Variants in SYN1 observed in about 807,000 individuals in gnomAD.
SYN1 encodes synapsin-1.
Under a neutral mutation model 44.6 loss-of-function variants are expected in SYN1, and 8 were observed. The observed-to-expected ratio is 0.18, with a 90% CI of 0.11 to 0.32. The LOEUF is 0.32. Ranked by LOEUF, SYN1 falls within the 10% of genes least tolerant of loss-of-function variation. SYN1 has a pLI of 1.00. For synonymous variants in SYN1, 275 were observed against 280.1 expected, an observed-to-expected ratio of 0.98 and a Z score of 0.18; for missense variants, 451 against 639.4, an observed-to-expected ratio of 0.71 and a Z score of 3.18.
intron 5 of SYN1, chrX:47,585,863 C>T (rs2057823289): frequency 8.7e-7 from 1 of 1,143,794 alleles, no homozygotes; most frequent in Non-Finnish European, 1.2e-6. Context: ...TGCTCCCTTT[C>T]CCTGTGTCCA....
Position 47,576,532 on chromosome X carries a change from C to T in SYN1, c.946G>A (p.Val316Ile), listed in dbSNP as rs770266055. The change falls in exon 7 of 13, where the codon GTC (valine) becomes ATC (isoleucine). Residue 316 changes from valine (V) to isoleucine (I), a missense_variant. Around this residue, in one of 3 missense-constraint regions of SYN1, gnomAD observed 315 missense variants for 451.4 expected, o/e 0.70. Coordinates refer to ENST00000295987, the MANE Select transcript of SYN1 (RefSeq NM_006950.3). ...PFIDAKYDVR[V>I]QKIGQNYKAY... Reference sequence around the variant, plus strand: ...TTGTAGTTCTGCCCAATCTTCTGGACACGCACGTCATATTTGGCATCGATG... The same window carrying T: ...TTGTAGTTCTGCCCAATCTTCTGGATACGCACGTCATATTTGGCATCGATG... 8 of 1,210,271 alleles carry T rather than the reference C, an allele frequency of 6.6e-6. No individual in the cohort carries two copies. In the African/African-American group the frequency reaches 7.0e-5, roughly 11 times the overall value.
chrX:47,581,805 T>C (rs2057799322), intron 5 of SYN1, among the ~76,000 whole-genome samples: 2 of 111,790 alleles, frequency 1.8e-5, no homozygotes, highest in South Asian at 7.4e-4. Context: ...TTTGAGACCC[T>C]GGCTTTGGCT....
At chrX:47,576,966 C>A (rs1045681907) in intron 6 of SYN1, among the ~76,000 whole-genome samples, 2 of 111,660 alleles carry the variant, frequency 1.8e-5, no homozygotes, top group African/African-American at 6.5e-5. Context: ...CTAATATAGG[C>A]ATCCAGACAC....
rs1443531250 is a variant in SYN1, at chrX:47,607,506, AC to A, written c.378-309del. 2.7e-5 allele frequency among the ~76,000 whole-genome samples: 3 copies of A among 111,189 alleles called. No individual in the cohort carries two copies. In the East Asian group the frequency reaches 8.4e-4, roughly 31 times the overall value. ...ATTGTAAATTTTTTAAAAAAACTTC[AC>A]AAAATTAGCAGCACTATGTAAATTA... On this transcript the variant is annotated intron_variant, in intron 1 of 12. Transcript: ENST00000295987.
intron 5 of SYN1, among the ~76,000 whole-genome samples, chrX:47,588,270 C>A (rs1217962137): frequency 8.9e-6 from 1 of 112,830 alleles, no homozygotes; most frequent in Non-Finnish European, 1.9e-5. Flanking sequence ...AGGTAAGGGC[C>A]CGAGCCCTGG....
At chrX:47,584,862 A>G in intron 5 of SYN1, 2 of 884,415 alleles carry the variant, frequency 2.3e-6, no homozygotes, top group Non-Finnish European at 3.3e-6. Flanking sequence ...TGGTATGATG[A>G]TGATGATGAT....
chrX:47,591,399 G>C (rs1387395418), intron 5 of SYN1, among the ~76,000 whole-genome samples: 1 of 112,126 alleles, frequency 8.9e-6, no homozygotes, highest in Non-Finnish European at 1.9e-5. Context: ...ACAGAATAGA[G>C]TTCTGAACCT....
intron 5 of SYN1, among the ~76,000 whole-genome samples, chrX:47,603,606 T>C (rs1318447704): frequency 9.0e-6 from 1 of 111,456 alleles, no homozygotes; most frequent in Non-Finnish European, 1.9e-5. Flanking sequence ...TATTTAAACG[T>C]TCAGCATATT....
At chrX:47,576,294 C>G (rs777187126) in intron 8 of SYN1, 38 bp downstream of exon 8, 5 of 1,207,825 alleles carry the variant, frequency 4.1e-6, no homozygotes, top group Non-Finnish European at 5.6e-6. Flanking sequence ...GTGCTCCCAC[C>G]CCCGCTTCCC....
intron 5 of SYN1, chrX:47,586,396 T>C (rs769716254): frequency 9.1e-7 from 1 of 1,097,232 alleles, no homozygotes; most frequent in Non-Finnish European, 1.2e-6. Context: ...TCCTGGGGTA[T>C]GTACTTAGGT....
chrX:47,617,624 G>T (rs1412682555), intron 1 of SYN1, among the ~76,000 whole-genome samples: 1 of 110,868 alleles, frequency 9.0e-6, no homozygotes, highest in Non-Finnish European at 1.9e-5. Context: ...CTTGGGAGAG[G>T]CCTTGTGATT....
Position 47,574,366 on chromosome X carries a change from G to A in SYN1, c.1618C>T (p.Pro540Ser). Residue 540 changes from proline to serine, a missense_variant, in exon 12 of 13, where the codon CCC becomes TCC. By Grantham distance (74) the Pro-to-Ser change is moderately conservative. This residue lies in a region of SYN1 where 9 missense variants were observed against 33.2 expected (regional missense o/e 0.27). Transcript: ENST00000295987. Reference protein sequence around the residue: ...GRQSRPVAGGPGAPPAARPPA... With the variant: ...GRQSRPVAGGSGAPPAARPPA... ...GGGCGGGCTGCTGGAGGCGCCCCGG[G>A]GCCTCCCGCCACTGGCCGGGATTGG... 9.7e-7 allele frequency: 1 copy of A among 1,027,164 alleles called. No individual in the cohort carries two copies. The highest frequency in any genetic ancestry group is 3.0e-5 in the South Asian group (1 of 33,624). The allele number at this position is 1,027,164 out of a possible 1,213,427, so 84.6% of individuals were successfully genotyped here. A position where few individuals can be genotyped will look rare whatever the true frequency, so the allele number is the denominator to read the frequency against.
chrX:47,585,101 G>A (rs1327074241), intron 5 of SYN1: 11 of 1,165,602 alleles, frequency 9.4e-6, no homozygotes, highest in Admixed American at 4.8e-5. Context: ...TGGTTGGTGC[G>A]AGAAAGTTGG....
In SYN1 at chrX:47,576,533, A is replaced by G; in HGVS notation, c.945T>C (p.Arg315=). ...EPFIDAKYDV[R]VQKIGQNYKA... Reference sequence around the variant, plus strand: ...TGTAGTTCTGCCCAATCTTCTGGACACGCACGTCATATTTGGCATCGATGA... The same window carrying G: ...TGTAGTTCTGCCCAATCTTCTGGACGCGCACGTCATATTTGGCATCGATGA... The change falls in exon 7 of 13, where the codon CGT becomes CGC. Residue 315 remains arginine, a synonymous_variant. Transcript: ENST00000295987. The G allele has an allele frequency of 8.3e-7, 1 of 1,211,765 alleles. No homozygotes were observed. The highest frequency in any genetic ancestry group is 1.1e-6 in the Non-Finnish European group (1 of 895,560).
intron 5 of SYN1, among the ~76,000 whole-genome samples, chrX:47,584,213 A>C (rs2057812504): frequency 9.0e-6 from 1 of 111,195 alleles, no homozygotes; most frequent in African/African-American, 3.3e-5. Flanking sequence ...TCAGGTATTG[A>C]GGATGATCAG....
chrX:47,604,861 A>T, intron 5 of SYN1, 117 bp downstream of exon 5: 1 of 690,956 alleles, frequency 1.4e-6, no homozygotes, highest in Non-Finnish European at 2.2e-6. Context: ...TCATGACTCC[A>T]CGTGCACACA....
At position 47,593,272 on chromosome X, in the gene SYN1, C is replaced by CTT. The variant is rs759476078; in HGVS notation, c.774+11704_774+11705dup. On this transcript the variant is annotated intron_variant, in intron 5 of 12. Transcript: ENST00000295987. ...ATATTTATAGTAAAAATGGTCTATG[C>CTT]TTTTTTTTTTTTTTTGAGACAAAGT... Among the ~76,000 whole-genome samples the CTT allele has an allele frequency of 5.8e-3, 455 of 78,999 alleles. 3 individuals are homozygous for CTT. The highest frequency in any genetic ancestry group is 0.019 in the African/African-American group (428 of 22,242). 68.6% of individuals were successfully genotyped at this position (78,999 alleles called of 115,157 possible). A position where few individuals can be genotyped will look rare whatever the true frequency, so the allele number is the denominator to read the frequency against.
chrX:47,603,900 A>G (rs1258348165), intron 5 of SYN1, among the ~76,000 whole-genome samples: 1 of 82,908 alleles, frequency 1.2e-5, no homozygotes, highest in Non-Finnish European at 2.5e-5. Flanking sequence ...TTATATATAT[A>G]TATATATTTT....
At chrX:47,596,761 A>C (rs1371734786) in intron 5 of SYN1, among the ~76,000 whole-genome samples, 1 of 111,959 alleles carries the variant, frequency 8.9e-6, no homozygotes, top group Non-Finnish European at 1.9e-5. Flanking sequence ...CCTGATTCCC[A>C]GAGTTGCCAC....
Sources: allele counts gnomAD v4.1 joint callset (sites outside exome capture counted in the v4.1 genomes callset), GRCh38; gene constraint gnomAD v4.1.1; regional missense constraint gnomAD v4.1.1; transcripts MANE v1.5; gene names NCBI Gene and HGNC (gene_info 2026-07-23, HGNC 2026-07-21).